The following DRC9 variants were observed in gnomAD, a reference collection of about 807,000 sequenced individuals.
DRC9 encodes the protein dynein regulatory complex protein 9.
chr3:197,891,976 G>A, the DRC9 span, among the ~76,000 whole-genome samples: 1 of 152,140 alleles, frequency 6.6e-6, no homozygotes, highest in Non-Finnish European at 1.5e-5. Context: ...TGCAACCTCC[G>A]CCTTCTGGGT....
chr3:197,922,536 T>C, the DRC9 span, among the ~76,000 whole-genome samples: 3 of 151,894 alleles, frequency 2.0e-5, no homozygotes, highest in Non-Finnish European at 4.4e-5. Context: ...TGAAACCCCA[T>C]CTCTACTAAA....
At chr3:197,949,978 T>C in the DRC9 span, 1 of 502,438 alleles carries the variant, frequency 2.0e-6, no homozygotes, top group Non-Finnish European at 3.1e-6. Context: ...GGCTACCATT[T>C]TGCCTTCCCT....
At chr3:197,938,594 G>A in the DRC9 span, 1 of 1,614,044 alleles carries the variant, frequency 6.2e-7, no homozygotes, top group Non-Finnish European at 8.5e-7. Context: ...ATGATGGTCT[G>A]CCTTGTAGGT....
the DRC9 span, among the ~76,000 whole-genome samples, chr3:197,889,880 C>T: frequency 3.9e-5 from 6 of 152,184 alleles, no homozygotes; most frequent in Admixed American, 2.0e-4. Flanking sequence ...GCTCTCCTGT[C>T]GTGCAGGACC....
the DRC9 span, among the ~76,000 whole-genome samples, chr3:197,904,049 C>T: frequency 3.3e-5 from 3 of 92,224 alleles, no homozygotes; most frequent in African/African-American, 5.3e-5. Context: ...CATATATATA[C>T]ATACATATAT....
chr3:197,935,439 CAAA>C, the DRC9 span, among the ~76,000 whole-genome samples: 15 of 95,262 alleles, frequency 1.6e-4, 1 homozygote, highest in African/African-American at 6.7e-4. Flanking sequence ...ACTCTGTCTC[CAAA>C]AAAAAAAAAA....
chr3:197,924,315 T>G, the DRC9 span, among the ~76,000 whole-genome samples: 1 of 152,024 alleles, frequency 6.6e-6, no homozygotes. Flanking sequence ...GCCGAAATTG[T>G]GCCATTGCAC....
At chr3:197,897,140 T>TA in the DRC9 span, among the ~76,000 whole-genome samples, 502 of 149,094 alleles carry the variant, frequency 3.4e-3, 18 homozygotes, top group East Asian at 0.073. Context: ...TTTAAAATTG[T>TA]AAAAAAAAAA....
At chr3:197,949,818 C>T in the DRC9 span, 1 of 376,144 alleles carries the variant, frequency 2.7e-6, no homozygotes, top group South Asian at 1.5e-4. Flanking sequence ...AAGCACCCCA[C>T]TGTTGGCAAA....
At chr3:197,894,807 TA>T in the DRC9 span, among the ~76,000 whole-genome samples, 1 of 152,178 alleles carries the variant, frequency 6.6e-6, no homozygotes, top group Non-Finnish European at 1.5e-5. Context: ...CTTGTGCCTG[TA>T]ATCCCAGCAG....
At chr3:197,925,337 A>G in the DRC9 span, among the ~76,000 whole-genome samples, 2 of 31,040 alleles carry the variant, frequency 6.4e-5, no homozygotes, top group Non-Finnish European at 1.1e-4. Context: ...TCTGTGGGGG[A>G]GGGTGGGGGT....
chr3:197,932,995 A>G, the DRC9 span, among the ~76,000 whole-genome samples: 1 of 134,820 alleles, frequency 7.4e-6, no homozygotes, highest in Non-Finnish European at 1.6e-5. Flanking sequence ...TATATTACAT[A>G]TTATATATGT....
chr3:197,944,726 G>A, the DRC9 span, among the ~76,000 whole-genome samples: 2 of 152,082 alleles, frequency 1.3e-5, no homozygotes, highest in Admixed American at 1.3e-4. Context: ...GGGATTACAG[G>A]TGTGAGCCAC....
chr3:197,917,244 G>C, the DRC9 span, among the ~76,000 whole-genome samples: 99 of 152,318 alleles, frequency 6.5e-4, no homozygotes, highest in Non-Finnish European at 1.2e-3. Flanking sequence ...TTGAGCCCCG[G>C]AGGCCGAGGC....
the DRC9 span, among the ~76,000 whole-genome samples, chr3:197,925,477 C>T: frequency 4.8e-5 from 7 of 146,562 alleles, no homozygotes; most frequent in East Asian, 1.4e-3. Flanking sequence ...TGGTGGGATA[C>T]GAAGATGGGA....
chr3:197,951,197 G>C, the DRC9 span: 26 of 1,614,066 alleles, frequency 1.6e-5, no homozygotes, highest in Non-Finnish European at 2.2e-5. Context: ...TATAAGCGGG[G>C]TCTCCGGAAC....
the DRC9 span, among the ~76,000 whole-genome samples, chr3:197,920,774 T>C: frequency 2.6e-5 from 4 of 152,234 alleles, no homozygotes; most frequent in African/African-American, 4.8e-5. Context: ...AGGAGTTTCA[T>C]GGAAGTGCTG....
At chr3:197,896,340 T>TC in the DRC9 span, among the ~76,000 whole-genome samples, 5 of 149,698 alleles carry the variant, frequency 3.3e-5, no homozygotes, top group African/African-American at 1.3e-4. Context: ...CAAAACTCCG[T>TC]TAAAAAAAAA....
the DRC9 span, chr3:197,951,065 TG>T: frequency 6.2e-7 from 1 of 1,600,216 alleles, no homozygotes; most frequent in Non-Finnish European, 8.6e-7. Flanking sequence ...AAAACTTAGA[TG>T]TTTGCTCTGA....
Sources: gnomAD v4.1 joint callset for allele counts (sites outside exome capture counted in the v4.1 genomes callset) on GRCh38, gnomAD v4.1.1 for gene constraint, MANE v1.5 for transcripts, NCBI Gene and HGNC (gene_info 2026-07-23, HGNC 2026-07-21) for gene names.